RAP1GAP: variants seen among roughly 807,000 people sequenced by gnomAD.
RAP1GAP encodes the protein RAP1 GTPase activating protein.
A neutral mutation model predicts 87.2 loss-of-function variants in RAP1GAP; 35 were observed. The ratio of observed to expected loss-of-function variants is 0.40; its 90% CI spans 0.31 to 0.53. The LOEUF is 0.53. Among genes scored for constraint, RAP1GAP ranks in the 20% least tolerant of loss-of-function variants. The pLI is 0.48. For synonymous variants in RAP1GAP, 375 were observed against 363.9 expected (o/e 1.03, Z -0.35); for missense variants, 734 against 898.9 (o/e 0.82, Z 2.35).
intron 2 of RAP1GAP, among the ~76,000 whole-genome samples, chr1:21,630,272 T>C (rs866734943): frequency 1.6e-4 from 25 of 151,994 alleles, no homozygotes; most frequent in Middle Eastern, 3.4e-3. Flanking sequence ...TTCCCTTTTT[T>C]TTTTTTGTTT....
rs1012108692 is a variant in RAP1GAP, at chr1:21,615,548, C to T, written c.292-1459G>A. Among the ~76,000 whole-genome samples the T allele has an allele frequency of 1.8e-4, 27 of 152,168 alleles. No individual in the cohort carries two copies. The highest frequency in any genetic ancestry group is 6.0e-4 in the African/African-American group (25 of 41,448). The stretch of plus-strand genomic sequence containing the variant: ...CTGGGATTACAGGCGCCCAGCACCA[C>T]ACCTGGCTAATTTTTGTATTTTTGT... On this transcript the variant is annotated intron_variant, in intron 7 of 24. Transcript: ENST00000374765. The surrounding 1 kb of genome is among the most constrained non-coding windows in gnomAD (Gnocchi z 4.5).
At chr1:21,597,596 A>G (rs1645810985) in intron 24 of RAP1GAP, 90 bp downstream of exon 24, 4 of 1,290,304 alleles carry the variant, frequency 3.1e-6, no homozygotes, top group South Asian at 1.5e-5. Flanking sequence ...CACCCCAGAG[A>G]GGTGACAGAA....
intron 20 of RAP1GAP, 84 bp downstream of exon 20, chr1:21,601,600 G>T: frequency 9.5e-7 from 1 of 1,050,678 alleles, no homozygotes. Context: ...CAAGGCTCCT[G>T]TGCTGTCCCG....
intron 2 of RAP1GAP, among the ~76,000 whole-genome samples, chr1:21,638,148 TAA>T (rs34068902): frequency 3.3e-4 from 39 of 117,474 alleles, no homozygotes; most frequent in South Asian, 5.2e-4. Context: ...AAGATCCTAT[TAA>T]AAAAAAAAAA....
rs2085901614 is a variant in RAP1GAP at position 21,620,158 on chromosome 1, G to A, written c.-18-108C>T. 3.6e-5 allele frequency: 43 copies of A among 1,189,812 alleles called. No individual in the cohort carries two copies. The South Asian group carries it at 5.2e-4, about 14-fold the overall frequency. 73.7% of individuals were successfully genotyped at this position (1,189,812 alleles called of 1,614,324 possible). A position where few individuals can be genotyped will look rare whatever the true frequency, so the allele number is the denominator to read the frequency against. On this transcript the variant is annotated intron_variant, in intron 3 of 24. Transcript: ENST00000374765. ...CCCACCAGCTCTGATCAGTGACCGAGGCACCTGTCTGAGTAGCAAGCGGGA... is the reference window on the plus strand; with the variant it reads ...CCCACCAGCTCTGATCAGTGACCGAAGCACCTGTCTGAGTAGCAAGCGGGA...
intron 4 of RAP1GAP, among the ~76,000 whole-genome samples, chr1:21,619,810 A>G (rs1238127840): frequency 6.6e-6 from 1 of 152,110 alleles, no homozygotes; most frequent in Non-Finnish European, 1.5e-5. Context: ...CTGGGAGCCT[A>G]GATGGACTCC....
Position 21,649,765 on chromosome 1 carries a change from C to A in RAP1GAP, c.-117G>T. 6.4e-7 allele frequency: 1 copy of A among 1,552,540 alleles called. No homozygotes were observed. The highest frequency in any genetic ancestry group is 8.7e-7 in the Non-Finnish European group (1 of 1,147,522). On this transcript the variant is annotated 5_prime_UTR_variant, in exon 2 of 25. Coordinates refer to ENST00000374765, the MANE Select transcript of RAP1GAP (RefSeq NM_002885.4). The stretch of plus-strand genomic sequence containing the variant: ...CTGAGAGTCCCCAGTACTCACCACA[C>A]ACTCCGGCGAGAAGTGAAGGACTTG...
In RAP1GAP at chr1:21,603,515, A is replaced by G. The variant is rs1184667277; in HGVS notation, c.1429-602T>C. The G allele has an allele frequency of 5.0e-6, 3 of 602,820 alleles. No homozygotes were observed. Among genetic ancestry groups the G allele is most frequent in the Admixed American group, 5.7e-5 (2 of 34,968 alleles). The allele number at this position is 602,820 out of a possible 1,614,324, so 37.3% of individuals were successfully genotyped here. On this transcript the variant is annotated intron_variant, in intron 18 of 24. Coordinates refer to ENST00000374765, the MANE Select transcript of RAP1GAP (RefSeq NM_002885.4). The surrounding 1 kb of genome is among the most constrained non-coding windows in gnomAD (Gnocchi z 6.0). ...GGGCAGAGGAGAGGGATGGCGCTCC[A>G]TGCAGACCGGCGATATTGGGGGACG...
chr1:21,649,687 T>C (rs1211333658), intron 2 of RAP1GAP, 74 bp downstream of exon 2: 8 of 1,473,402 alleles, frequency 5.4e-6, no homozygotes, highest in African/African-American at 2.8e-5. Context: ...ATCGCAGGGG[T>C]AGGAATGGAT....
intron 1 of RAP1GAP, among the ~76,000 whole-genome samples, chr1:21,658,844 T>A (rs2096972636): frequency 6.6e-6 from 1 of 151,618 alleles, no homozygotes; most frequent in African/African-American, 2.4e-5. Flanking sequence ...GTGGAGGGCC[T>A]TTTTCATCTC....
chr1:21,617,836 A>G (rs2083288170), intron 6 of RAP1GAP, 98 bp downstream of exon 6: 1 of 1,516,248 alleles, frequency 6.6e-7, no homozygotes, highest in Non-Finnish European at 9.2e-7. Flanking sequence ...CAAGGCCTGC[A>G]GGTCAGGCTC....
intron 2 of RAP1GAP, among the ~76,000 whole-genome samples, chr1:21,635,783 G>T (rs2094581571): frequency 6.6e-6 from 1 of 152,216 alleles, no homozygotes. Context: ...AGGTGACATG[G>T]GGAAGCCCTA....
intron 2 of RAP1GAP, among the ~76,000 whole-genome samples, chr1:21,643,571 A>G (rs1447095757): frequency 2.4e-5 from 3 of 127,640 alleles, no homozygotes; most frequent in Admixed American, 1.5e-4. Flanking sequence ...AAAAAAAAAA[A>G]AAAAGAAAAA....
intron 3 of RAP1GAP, among the ~76,000 whole-genome samples, chr1:21,624,843 G>GCT (rs10594675): frequency 3.3e-5 from 5 of 151,274 alleles, no homozygotes; most frequent in South Asian, 2.1e-4. Flanking sequence ...GCTATGGGCT[G>GCT]CTCTCTCTCT....
chr1:21,621,018 A>G (rs2086915570), intron 3 of RAP1GAP, among the ~76,000 whole-genome samples: 1 of 152,206 alleles, frequency 6.6e-6, no homozygotes, highest in Admixed American at 6.5e-5. Context: ...TGATTCTTAG[A>G]GCTATATACT....
In RAP1GAP at chr1:21,597,641, C is replaced by G. The variant is rs1645837828; in HGVS notation, c.*34+45G>C. 8 of 1,510,034 alleles carry G rather than the reference C, an allele frequency of 5.3e-6. No individual in the cohort carries two copies. In the East Asian group the frequency reaches 1.8e-4, roughly 34 times the overall value. The allele number at this position is 1,510,034 out of a possible 1,614,324, so 93.5% of individuals were successfully genotyped here. A position where few individuals can be genotyped will look rare whatever the true frequency, so the allele number is the denominator to read the frequency against. On this transcript the variant is annotated intron_variant, in intron 24 of 24. Coordinates refer to ENST00000374765, the MANE Select transcript of RAP1GAP (RefSeq NM_002885.4). ...GGAATCAGCTCAGCCCTCTACACAC[C>G]CCCACCCTCTCCCACCAAACACAAG...
At chr1:21,627,153 C>A (rs753837593) in intron 2 of RAP1GAP, among the ~76,000 whole-genome samples, 3 of 152,232 alleles carry the variant, frequency 2.0e-5, no homozygotes, top group Non-Finnish European at 4.4e-5. Flanking sequence ...AGGAAATGCC[C>A]AGTGGTTCCC....
chr1:21,635,907 G>A (rs1021154440), intron 2 of RAP1GAP, among the ~76,000 whole-genome samples: 2 of 152,210 alleles, frequency 1.3e-5, no homozygotes, highest in Non-Finnish European at 2.9e-5. Flanking sequence ...TACAGAGGAC[G>A]AATGGGAGGA....
At position 21,651,374 on chromosome 1, in the gene RAP1GAP, G is replaced by GC. The variant is rs755370396; in HGVS notation, c.-148-1579dup. The GC allele has an allele frequency of 5.8e-6, 3 of 513,846 alleles. No homozygotes were observed. The Admixed American group carries it at 6.1e-5, about 10-fold the overall frequency. 31.8% of individuals were successfully genotyped at this position (513,846 alleles called of 1,614,324 possible). On this transcript the variant is annotated intron_variant, in intron 1 of 24. Coordinates refer to ENST00000374765, the MANE Select transcript of RAP1GAP (RefSeq NM_002885.4). ...AGCAGAACCTCCCCCTGACCTGCCT[G>GC]CCCCTACTCCCACATACCTATACAT...
Sources: allele counts gnomAD v4.1 joint callset (sites outside exome capture counted in the v4.1 genomes callset), GRCh38; gene constraint gnomAD v4.1.1; non-coding constraint Gnocchi (gnomAD v3.1); transcripts MANE v1.5; gene names NCBI Gene and HGNC (gene_info 2026-07-23, HGNC 2026-07-21).